The following DENND2B variants were observed in gnomAD, a reference collection of about 807,000 sequenced individuals.
DENND2B encodes the protein DENN domain-containing protein 2B.
In DENND2B, 32 loss-of-function variants were observed where a neutral mutation model predicts 116.0. The observed-to-expected ratio is 0.28, with a 90% confidence interval of 0.21 to 0.37. The LOEUF is 0.37. Among genes scored for constraint, DENND2B ranks in the 10% least tolerant of loss-of-function variants. The probability of loss-of-function intolerance (pLI) is 1.00; values close to 1 mark genes in which losing one functional copy is unlikely to be tolerated. For synonymous variants in DENND2B, 588 were observed against 583.9 expected (o/e 1.01, Z -0.10); for missense variants, 1,276 against 1,477.7 (o/e 0.86, Z 2.24).
chr11:8,717,794 A>G lies in DENND2B; in HGVS notation c.1576T>C (p.Leu526=). The change falls in exon 5 of 20, where the codon TTG becomes CTG. Residue 526 remains leucine, a synonymous_variant. Coordinates refer to ENST00000313726, the MANE Select transcript of DENND2B (RefSeq NM_213618.2). The part of the protein sequence containing the change: ...QQLSENSLDS[L]HRMWSPQDRK... ...TCCTGAGGACTCCACATCCTGTGCA[A>G]AGAGTCCAAGGAGTTCTCAGACAGT... The G allele has an allele frequency of 6.2e-7, 1 of 1,610,418 alleles. No homozygotes were observed. Among genetic ancestry groups the G allele is most frequent in the Non-Finnish European group, 8.5e-7 (1 of 1,177,720 alleles).
chr11:8,726,920 G>A (rs2047174350), intron 3 of DENND2B, among the ~76,000 whole-genome samples: 1 of 152,236 alleles, frequency 6.6e-6, no homozygotes, highest in African/African-American at 2.4e-5. Context: ...ACAATTTGCA[G>A]CCAGAAGCTG....
chr11:8,730,335 T>C lies in DENND2B; in HGVS notation c.955A>G (p.Thr319Ala). The part of the protein sequence containing the change: ...SVDRGKRKTG[T>A]LGSLEEPAGG... ...GCCGGCTCCTCCAAGGAGCCCAAGG[T>C]TCCAGTCTTCCTTTTCCCCCGGTCC... Residue 319 changes from threonine to alanine, a missense_variant, in exon 3 of 20, where the codon ACC becomes GCC. Transcript: ENST00000313726. This position sits in a 1 kb window ranked among gnomAD's most constrained non-coding sequence, Gnocchi z 4.1. 2 of 1,600,596 alleles carry C rather than the reference T, an allele frequency of 1.2e-6. No individual in the cohort carries two copies. Among genetic ancestry groups the C allele is most frequent in the South Asian group, 1.1e-5 (1 of 90,362 alleles).
chr11:8,828,966 G>GGGTGTGTGTGTGGTGTGCATGTGTGT (rs1031357961), intron 4 of DENND2B, among the ~76,000 whole-genome samples: 1 of 150,392 alleles, frequency 6.6e-6, no homozygotes, highest in South Asian at 2.1e-4. Flanking sequence ...GTGTGTGTGT[G>GGGTGTGTGTGTGGTGTGCATGTGTGT]GGTGTGTGTG....
chr11:8,765,393 C>A (rs1301478469), intron 1 of DENND2B, among the ~76,000 whole-genome samples: 1 of 152,208 alleles, frequency 6.6e-6, no homozygotes, highest in Non-Finnish European at 1.5e-5. Context: ...TATTTTAAAT[C>A]TTTGAGGGAA....
chr11:8,904,893 A>G (rs1334200100), intron 1 of DENND2B, among the ~76,000 whole-genome samples: 1 of 152,154 alleles, frequency 6.6e-6, no homozygotes, highest in Non-Finnish European at 1.5e-5. Flanking sequence ...ATTAGTAAAA[A>G]AAATAAAGAA....
At chr11:8,718,377 A>G (rs1355923747) in intron 4 of DENND2B, 11 of 1,535,204 alleles carry the variant, frequency 7.2e-6, no homozygotes, top group Non-Finnish European at 8.7e-6. Context: ...GTGGGCATGG[A>G]GGAACTCACA....
At position 8,710,929 on chromosome 11, in the gene DENND2B, G is replaced by A. The variant is rs1334369351; in HGVS notation, c.2283-15C>T. The stretch of plus-strand genomic sequence containing the variant: ...AAAAGGTCTCACTGGAACAAAGAGA[G>A]GTCTGGCATCAGGGAGGTGTGAGAG... On this transcript the variant is annotated splice_polypyrimidine_tract_variant and intron_variant, in intron 10 of 19. Transcript: ENST00000313726. 2 of 1,613,916 alleles carry A rather than the reference G, an allele frequency of 1.2e-6. No individual in the cohort carries two copies. Among genetic ancestry groups the A allele is most frequent in the South Asian group, 1.1e-5 (1 of 91,026 alleles).
At chr11:8,789,223 G>C (rs2059165878) in intron 1 of DENND2B, among the ~76,000 whole-genome samples, 1 of 152,204 alleles carries the variant, frequency 6.6e-6, no homozygotes, top group Non-Finnish European at 1.5e-5. Context: ...GCTAGTTCAT[G>C]TGTTAATAGT....
chr11:8,745,651 A>G (rs1017396819), intron 2 of DENND2B, among the ~76,000 whole-genome samples: 2 of 152,350 alleles, frequency 1.3e-5, no homozygotes, highest in South Asian at 4.1e-4. Context: ...TAATCAATAC[A>G]GCACAATAGA....
chr11:8,701,430 T>C (rs1466238305), intron 14 of DENND2B, among the ~76,000 whole-genome samples: 1 of 132,310 alleles, frequency 7.6e-6, no homozygotes, highest in Non-Finnish European at 1.6e-5. Context: ...CACCGCCTCC[T>C]CCAGCCTTCT....
chr11:8,881,251 G>A (rs2134727946), intron 1 of DENND2B: 1 of 152,246 alleles, frequency 6.6e-6, no homozygotes, highest in South Asian at 2.1e-4. Context: ...ATCGTTCTAA[G>A]GCACTTGTGG....
chr11:8,858,698 G>T (rs1450618664), intron 2 of DENND2B, among the ~76,000 whole-genome samples: 1 of 152,182 alleles, frequency 6.6e-6, no homozygotes, highest in East Asian at 1.9e-4. Context: ...AGACTGCAAA[G>T]ACAGGAGCAG....
At chr11:8,699,668 G>T (rs960787653) in intron 14 of DENND2B, among the ~76,000 whole-genome samples, 7 of 152,212 alleles carry the variant, frequency 4.6e-5, no homozygotes, top group African/African-American at 1.7e-4. Flanking sequence ...GAAAAGGGCT[G>T]TCTCGGGTTT....
chr11:8,728,087 T>A (rs1199177733), intron 3 of DENND2B, among the ~76,000 whole-genome samples: 1 of 152,010 alleles, frequency 6.6e-6, no homozygotes. Context: ...CGCTGTACCC[T>A]CAACCTCCTG....
intron 4 of DENND2B, chr11:8,719,269 A>C (rs2045701619): frequency 1.0e-6 from 1 of 968,746 alleles, no homozygotes; most frequent in Non-Finnish European, 1.2e-6. Flanking sequence ...CTCCCTCCAC[A>C]TTGTGGCATC....
At chr11:8,802,452 ATGCTACCAC>A (rs1346758832) in intron 1 of DENND2B, among the ~76,000 whole-genome samples, 2 of 152,222 alleles carry the variant, frequency 1.3e-5, no homozygotes, top group East Asian at 3.8e-4. Flanking sequence ...CCATGAGATA[ATGCTACCAC>A]TGCCTCAATT....
At chr11:8,704,537 C>T (rs772101246) in intron 13 of DENND2B, among the ~76,000 whole-genome samples, 3 of 152,190 alleles carry the variant, frequency 2.0e-5, no homozygotes, top group Non-Finnish European at 4.4e-5. Flanking sequence ...AGAAAAGAGG[C>T]GAGGAGAAAG....
intron 4 of DENND2B, chr11:8,718,706 T>C: frequency 1.7e-6 from 2 of 1,156,344 alleles, no homozygotes; most frequent in Non-Finnish European, 2.1e-6. Context: ...GAGTTCTTGC[T>C]TCTCAGGACT....
chr11:8,840,248 A>AGG (rs2062579352), intron 3 of DENND2B, among the ~76,000 whole-genome samples: 4 of 152,130 alleles, frequency 2.6e-5, no homozygotes, highest in Admixed American at 2.0e-4. Context: ...GACAAAAGAG[A>AGG]GGGGACTTGG....
Sources: gnomAD v4.1 joint callset for allele counts (sites outside exome capture counted in the v4.1 genomes callset) on GRCh38, gnomAD v4.1.1 for gene constraint, Gnocchi (gnomAD v3.1) non-coding constraint, MANE v1.5 for transcripts, NCBI Gene and HGNC (gene_info 2026-07-23, HGNC 2026-07-21) for gene names.